The following SLC35F3 variants were observed in gnomAD, a reference collection of about 807,000 sequenced individuals.
SLC35F3 encodes solute carrier family 35 member F3, also known as putative thiamine transporter SLC35F3.
Under a neutral mutation model 49.9 loss-of-function variants are expected in SLC35F3, and 25 were observed. That is an observed-to-expected ratio of 0.50 (90% CI 0.37 to 0.70). The LOEUF (loss-of-function observed/expected upper bound fraction) is 0.70, where lower values mean the gene tolerates loss of function less well. Among genes scored for constraint, SLC35F3 ranks in the 30% least tolerant of loss-of-function variants. SLC35F3 has a pLI of 0.00. For missense variants in SLC35F3, 525 were observed against 639.8 expected, an observed-to-expected ratio of 0.82 and a Z score of 1.94; for synonymous variants, 275 against 265.4, an observed-to-expected ratio of 1.04 and a Z score of -0.35.
chr1:233,983,110 G>A (rs1572008219), intron 2 of SLC35F3, among the ~76,000 whole-genome samples: 1 of 152,260 alleles, frequency 6.6e-6, no homozygotes, highest in East Asian at 1.9e-4. Context: ...ATAAGAAAGT[G>A]CACCAAGAAC....
chr1:234,139,971 A>AAATAAAATAAAATAAAATAATAC (rs1347480372), intron 2 of SLC35F3, among the ~76,000 whole-genome samples: 1 of 135,030 alleles, frequency 7.4e-6, no homozygotes, highest in African/African-American at 2.8e-5. Flanking sequence ...AAATAAAATA[A>AAATAAAATAAAATAAAATAATAC]AATAAAATAA....
intron 3 of SLC35F3, among the ~76,000 whole-genome samples, chr1:234,270,026 C>A (rs1299983823): frequency 6.6e-6 from 1 of 152,212 alleles, no homozygotes; most frequent in Non-Finnish European, 1.5e-5. Flanking sequence ...TCCTTTATAG[C>A]AACACTAAAT....
intron 2 of SLC35F3, among the ~76,000 whole-genome samples, chr1:234,049,442 A>G (rs998024240): frequency 3.3e-5 from 5 of 152,090 alleles, no homozygotes; most frequent in South Asian, 2.1e-4. Flanking sequence ...GGACACAACA[A>G]GAAGCCAGCC....
At chr1:234,070,202 A>T (rs923642892) in intron 2 of SLC35F3, among the ~76,000 whole-genome samples, 1 of 152,164 alleles carries the variant, frequency 6.6e-6, no homozygotes, top group Non-Finnish European at 1.5e-5. Context: ...TGAAGATGAG[A>T]TCTCATGCAT....
At chr1:234,263,595 G>C (rs1411686815) in intron 3 of SLC35F3, among the ~76,000 whole-genome samples, 1 of 152,118 alleles carries the variant, frequency 6.6e-6, no homozygotes, top group East Asian at 1.9e-4. Context: ...GTGGTCTCAG[G>C]TCCCACCCCA....
chr1:233,956,331 A>T (rs1343109447), intron 2 of SLC35F3, among the ~76,000 whole-genome samples: 1 of 152,108 alleles, frequency 6.6e-6, no homozygotes, highest in African/African-American at 2.4e-5. Context: ...ATACACACAC[A>T]CACACATGCA....
At chr1:234,158,714 A>G (rs1299570330) in intron 2 of SLC35F3, among the ~76,000 whole-genome samples, 1 of 152,204 alleles carries the variant, frequency 6.6e-6, no homozygotes, top group Non-Finnish European at 1.5e-5. Context: ...TTGGTTGTCA[A>G]AAAGCATGTG....
chr1:234,106,304 T>G (rs1011880687), intron 2 of SLC35F3, among the ~76,000 whole-genome samples: 4 of 152,298 alleles, frequency 2.6e-5, no homozygotes, highest in Admixed American at 2.0e-4. Context: ...TCTTCCATGA[T>G]AAAAGAAAGA....
At chr1:234,077,338 G>T (rs940183959) in intron 2 of SLC35F3, among the ~76,000 whole-genome samples, 5 of 152,250 alleles carry the variant, frequency 3.3e-5, no homozygotes, top group African/African-American at 7.2e-5. Flanking sequence ...AGTTCAACAT[G>T]TCTGGAGAGG....
chr1:233,998,116 CATATATA>C (rs2102830846), intron 2 of SLC35F3, among the ~76,000 whole-genome samples: 1 of 152,150 alleles, frequency 6.6e-6, no homozygotes, highest in Admixed American at 6.6e-5. Flanking sequence ...TGTGTGTATT[CATATATA>C]ATATATACTA....
chr1:234,144,286 T>C (rs984881312), intron 2 of SLC35F3, among the ~76,000 whole-genome samples: 2 of 152,218 alleles, frequency 1.3e-5, no homozygotes, highest in African/African-American at 4.8e-5. Flanking sequence ...CAGGGCTGAC[T>C]GCAGGGTGTC....
At chr1:233,925,587 A>G (rs1252546020) in intron 2 of SLC35F3, among the ~76,000 whole-genome samples, 2 of 152,092 alleles carry the variant, frequency 1.3e-5, no homozygotes, top group South Asian at 2.1e-4. Context: ...TCTTTATCCA[A>G]TTTGCCAGTC....
At chr1:234,062,835 G>A (rs916758710) in intron 2 of SLC35F3, among the ~76,000 whole-genome samples, 7 of 146,596 alleles carry the variant, frequency 4.8e-5, no homozygotes, top group East Asian at 2.0e-4. Context: ...TGCCCACCAC[G>A]CCTGGCTAAT....
At chr1:234,238,990 C>T (rs1342855349) in intron 3 of SLC35F3, among the ~76,000 whole-genome samples, 1 of 152,192 alleles carries the variant, frequency 6.6e-6, no homozygotes, top group Non-Finnish European at 1.5e-5. Flanking sequence ...TGCCAACGCT[C>T]ATGTTTGTGT....
chr1:233,940,610 G>C (rs1433809660), intron 2 of SLC35F3, among the ~76,000 whole-genome samples: 1 of 152,174 alleles, frequency 6.6e-6, no homozygotes, highest in East Asian at 1.9e-4. Flanking sequence ...TGACAATACA[G>C]CAGTAAGGTA....
At chr1:234,047,755 G>A (rs1391597347) in intron 2 of SLC35F3, among the ~76,000 whole-genome samples, 3 of 152,108 alleles carry the variant, frequency 2.0e-5, no homozygotes, top group African/African-American at 7.2e-5. Flanking sequence ...ATAGATTTTG[G>A]TGGAGATGGG....
chr1:234,012,087 T>C (rs1663730666), intron 2 of SLC35F3, among the ~76,000 whole-genome samples: 1 of 152,160 alleles, frequency 6.6e-6, no homozygotes. Flanking sequence ...AGCAAAAGAA[T>C]CTGTGTCATA....
intron 3 of SLC35F3, among the ~76,000 whole-genome samples, chr1:234,233,738 G>A (rs1476558267): frequency 6.6e-6 from 1 of 152,216 alleles, no homozygotes; most frequent in African/African-American, 2.4e-5. Context: ...CTGTTAACTG[G>A]CGAACAATGT....
At chr1:234,100,790 T>C (rs775748466) in intron 2 of SLC35F3, among the ~76,000 whole-genome samples, 2 of 152,230 alleles carry the variant, frequency 1.3e-5, no homozygotes, top group Non-Finnish European at 2.9e-5. Flanking sequence ...GGGTGCCTCA[T>C]GCAGGAGTAT....
Sources: allele counts gnomAD v4.1 joint callset (sites outside exome capture counted in the v4.1 genomes callset), GRCh38; gene constraint gnomAD v4.1.1; transcripts MANE v1.5; gene names NCBI Gene and HGNC (gene_info 2026-07-23, HGNC 2026-07-21).